HDAC4: variants seen among roughly 807,000 people sequenced by gnomAD.
HDAC4 encodes histone deacetylase A.
A neutral mutation model predicts 135.1 loss-of-function variants in HDAC4; 16 were observed. That is an observed-to-expected ratio of 0.12 (90% CI 0.08 to 0.18). HDAC4 has a LOEUF of 0.18. HDAC4 is among the 10% of genes least tolerant of loss of function. The probability of loss-of-function intolerance (pLI) is 1.00; values close to 1 mark genes in which losing one functional copy is unlikely to be tolerated. For missense variants in HDAC4, 1,143 were observed against 1,511.8 expected (o/e 0.76, Z 4.05); for synonymous variants, 685 against 653.4 (o/e 1.05, Z -0.74).
At chr2:239,246,616 C>T (rs887293012) in intron 2 of HDAC4, among the ~76,000 whole-genome samples, 2 of 152,208 alleles carry the variant, frequency 1.3e-5, no homozygotes, top group African/African-American at 2.4e-5. Flanking sequence ...CTCTAAGGGC[C>T]GGAGAACAGC....
chr2:239,365,500 T>G (rs1694131102), intron 1 of HDAC4, among the ~76,000 whole-genome samples: 1 of 152,146 alleles, frequency 6.6e-6, no homozygotes, highest in Non-Finnish European at 1.5e-5. Flanking sequence ...GTTCGGAAGA[T>G]CAGATACCAA....
intron 15 of HDAC4, among the ~76,000 whole-genome samples, chr2:239,104,961 G>T (rs1283036482): frequency 6.6e-6 from 1 of 152,224 alleles, no homozygotes; most frequent in Non-Finnish European, 1.5e-5. Context: ...CGACGGCTGG[G>T]GCTGCAGGTG....
chr2:239,107,737 G>C (rs1395711157), intron 15 of HDAC4, among the ~76,000 whole-genome samples: 2 of 152,220 alleles, frequency 1.3e-5, no homozygotes, highest in Non-Finnish European at 2.9e-5. Flanking sequence ...CCCGGAGGCA[G>C]AAAGCAACAG....
At chr2:239,210,074 C>A (rs753614234) in intron 3 of HDAC4, among the ~76,000 whole-genome samples, 3 of 152,136 alleles carry the variant, frequency 2.0e-5, no homozygotes, top group Non-Finnish European at 4.4e-5. Flanking sequence ...CTTTCGTGAC[C>A]CAGCAACAAG....
intron 12 of HDAC4, among the ~76,000 whole-genome samples, chr2:239,118,557 C>T (rs759067272): frequency 6.6e-6 from 1 of 152,156 alleles, no homozygotes; most frequent in Non-Finnish European, 1.5e-5. Context: ...GAATAAGTTC[C>T]GGGACCTGAT....
intron 3 of HDAC4, among the ~76,000 whole-genome samples, chr2:239,199,176 C>T (rs1315843629): frequency 6.7e-6 from 1 of 148,946 alleles, no homozygotes; most frequent in South Asian, 2.1e-4. Context: ...TTGCTGATTA[C>T]ACCCTGGTGC....
chr2:239,380,054 C>T (rs749508719), intron 1 of HDAC4, among the ~76,000 whole-genome samples: 64 of 152,150 alleles, frequency 4.2e-4, no homozygotes, highest in Middle Eastern at 3.4e-3. Context: ...AGGGCGTGCA[C>T]GAAAAAGGGG....
intron 2 of HDAC4, among the ~76,000 whole-genome samples, chr2:239,282,147 A>G (rs2050807615): frequency 6.6e-6 from 1 of 151,138 alleles, no homozygotes; most frequent in South Asian, 2.1e-4. Context: ...GCTACAATGA[A>G]CACACCACTC....
chr2:239,252,909 G>A lies in HDAC4; in HGVS notation c.23-16245C>T, dbSNP rs532909397. Reference sequence around the variant, plus strand: ...ACCCTTAAGACCCAGCCTGTTCTCCGCCAGGAACGCACCACCTGCGCTTCG... The same window carrying A: ...ACCCTTAAGACCCAGCCTGTTCTCCACCAGGAACGCACCACCTGCGCTTCG... On this transcript the variant is annotated intron_variant, in intron 2 of 26. Coordinates refer to ENST00000543185, the MANE Select transcript of HDAC4 (RefSeq NM_001378414.1). 6.6e-5 allele frequency among the ~76,000 whole-genome samples: 10 copies of A among 152,250 alleles called. 1 individual carries two copies. In the South Asian group the frequency reaches 1.2e-3, roughly 19 times the overall value.
chr2:239,121,512 G>T (rs911479657), intron 12 of HDAC4, among the ~76,000 whole-genome samples: 1 of 152,234 alleles, frequency 6.6e-6, no homozygotes, highest in Non-Finnish European at 1.5e-5. Context: ...GCCCTTCCCC[G>T]GCTGGCTGCG....
chr2:239,318,372 C>T (rs770011034), intron 2 of HDAC4, among the ~76,000 whole-genome samples: 3 of 152,198 alleles, frequency 2.0e-5, no homozygotes, highest in African/African-American at 7.2e-5. Flanking sequence ...GCTGCCCCTA[C>T]GCTTCCAAAA....
At chr2:239,279,663 G>A (rs1039261598) in intron 2 of HDAC4, among the ~76,000 whole-genome samples, 2 of 152,180 alleles carry the variant, frequency 1.3e-5, no homozygotes, top group Non-Finnish European at 2.9e-5. Context: ...AGCCCCCACA[G>A]TGCCTCCCAC....
At chr2:239,110,823 G>A (rs892790002) in intron 14 of HDAC4, among the ~76,000 whole-genome samples, 3 of 152,234 alleles carry the variant, frequency 2.0e-5, no homozygotes, top group Non-Finnish European at 2.9e-5. Flanking sequence ...TCCCCTGCAG[G>A]GGTGGCTGGG....
Position 239,139,924 on chromosome 2 carries a change from C to G in HDAC4, c.866-128G>C. The stretch of plus-strand genomic sequence containing the variant: ...AGCTTGCGACAGGCAGAAGTCCCAA[C>G]AAAAAGAACATGGCCATGGTTTCAA... On this transcript the variant is annotated intron_variant, in intron 8 of 26. Transcript: ENST00000543185. This position sits in a 1 kb window ranked among gnomAD's most constrained non-coding sequence, Gnocchi z 5.3. 1 of 678,378 alleles carries G rather than the reference C, an allele frequency of 1.5e-6. No homozygotes were observed. The highest frequency in any genetic ancestry group is 2.6e-6 in the Non-Finnish European group (1 of 384,390). 42.0% of individuals were successfully genotyped at this position (678,378 alleles called of 1,614,324 possible).
At chr2:239,382,523 C>A (rs1157469571) in intron 1 of HDAC4, among the ~76,000 whole-genome samples, 2 of 152,194 alleles carry the variant, frequency 1.3e-5, no homozygotes, top group Non-Finnish European at 2.9e-5. Context: ...GTAGGACCAC[C>A]CAGAGTGACC....
At chr2:239,111,020 T>G (rs2038619733) in intron 14 of HDAC4, among the ~76,000 whole-genome samples, 1 of 152,208 alleles carries the variant, frequency 6.6e-6, no homozygotes. Context: ...GTATGAGGGA[T>G]GGCACAGACA....
At chr2:239,180,308 C>A (rs964834056) in intron 4 of HDAC4, among the ~76,000 whole-genome samples, 1 of 152,150 alleles carries the variant, frequency 6.6e-6, no homozygotes, top group Non-Finnish European at 1.5e-5. Flanking sequence ...CTTTCATGGT[C>A]ACAGGCGGTG....
intron 1 of HDAC4, among the ~76,000 whole-genome samples, chr2:239,382,744 G>A (rs1294682279): frequency 3.3e-5 from 5 of 150,708 alleles, no homozygotes; most frequent in Non-Finnish European, 7.4e-5. Flanking sequence ...TTTTTTTTTA[G>A]ACGCAGTTTG....
chr2:239,250,976 C>G (rs1308219968), intron 2 of HDAC4, among the ~76,000 whole-genome samples: 2 of 152,190 alleles, frequency 1.3e-5, no homozygotes, highest in Non-Finnish European at 2.9e-5. Flanking sequence ...ACCTCGAGAC[C>G]TGCATCAACT....
Sources: gnomAD v4.1 joint callset for allele counts (sites outside exome capture counted in the v4.1 genomes callset) on GRCh38, gnomAD v4.1.1 for gene constraint, Gnocchi (gnomAD v3.1) non-coding constraint, MANE v1.5 for transcripts, NCBI Gene and HGNC (gene_info 2026-07-23, HGNC 2026-07-21) for gene names.